SLC25A23: variants seen among roughly 807,000 people sequenced by gnomAD.
The protein encoded by SLC25A23 is solute carrier family 25 member 23, also known as mitochondrial adenyl nucleotide antiporter SLC25A23.
A neutral mutation model predicts 53.9 loss-of-function variants in SLC25A23; 32 were observed. The observed-to-expected ratio is 0.59, with a 90% CI of 0.45 to 0.80. The LOEUF is 0.80. SLC25A23 is among the 30% of genes least tolerant of loss of function. The pLI is 0.00. For synonymous variants in SLC25A23, 275 were observed against 264.5 expected, an observed-to-expected ratio of 1.04 and a Z score of -0.38; for missense variants, 575 against 651.4, an observed-to-expected ratio of 0.88 and a Z score of 1.28.
chr19:6,458,668 TA>T (rs532883120), intron 1 of SLC25A23, among the ~76,000 whole-genome samples: 416 of 152,318 alleles, frequency 2.7e-3, no homozygotes, highest in Non-Finnish European at 4.7e-3. Context: ...TAGTTTTTGT[TA>T]TTTTTTTAGG....
chr19:6,454,742 T>C lies in SLC25A23; in HGVS notation c.484-25A>G. 6.2e-7 allele frequency: 1 copy of C among 1,611,688 alleles called. No homozygotes were observed. The highest frequency in any genetic ancestry group is 8.5e-7 in the Non-Finnish European group (1 of 1,178,736). On this transcript the variant is annotated intron_variant, in intron 4 of 9. Transcript: ENST00000301454. This position sits in a 1 kb window ranked among gnomAD's most constrained non-coding sequence, Gnocchi z 4.3. ...CCTAAAGATACAGGTGTTGGGGGTGTCATGCCATGGTGGGGACAGGGAGAT... is the reference window on the plus strand; with the variant it reads ...CCTAAAGATACAGGTGTTGGGGGTGCCATGCCATGGTGGGGACAGGGAGAT...
chr19:6,454,717 C>T lies in SLC25A23; in HGVS notation c.484G>A (p.Val162Ile). ...GTCAGGCACTCGCCAATGTCCAGGACCTAAAGATACAGGTGTTGGGGGTGT... is the reference window on the plus strand; with the variant it reads ...GTCAGGCACTCGCCAATGTCCAGGATCTAAAGATACAGGTGTTGGGGGTGT... ...DVLYFWKHST[V>I]LDIGECLTVP... The change falls in exon 5 of 10, where the codon GTC becomes ATC. Residue 162 changes from valine to isoleucine, a missense_variant and splice_region_variant. Physicochemically the swap from Val to Ile is conservative, Grantham distance 29. Transcript: ENST00000301454. The surrounding 1 kb of genome is among the most constrained non-coding windows in gnomAD (Gnocchi z 4.3). 6.2e-7 allele frequency: 1 copy of T among 1,613,634 alleles called. No homozygotes were observed. Among genetic ancestry groups the T allele is most frequent in the Non-Finnish European group, 8.5e-7 (1 of 1,179,868 alleles).
At chr19:6,448,789 C>T (rs2092544176) in intron 8 of SLC25A23, among the ~76,000 whole-genome samples, 2 of 151,204 alleles carry the variant, frequency 1.3e-5, no homozygotes, top group African/African-American at 2.4e-5. Context: ...TTTGGGAGGC[C>T]GAGGTGGTCG....
rs566906566 is a variant in SLC25A23, at chr19:6,449,441, G to A, written c.1071+2871C>T. Among the ~76,000 whole-genome samples the A allele has an allele frequency of 8.0e-5, 12 of 150,094 alleles. No individual in the cohort carries two copies. In the East Asian group the frequency reaches 2.0e-3, roughly 25 times the overall value. On this transcript the variant is annotated intron_variant, in intron 8 of 9. Coordinates refer to ENST00000301454, the MANE Select transcript of SLC25A23 (RefSeq NM_024103.3). ...CTATTTTTTTTTTTTTTGAGACAGA[G>A]TCTTGCTCTGTCACCCAGGCTGGAG...
chr19:6,444,362 A>C, intron 8 of SLC25A23, 61 bp from the exon 9 acceptor site: 1 of 1,515,634 alleles, frequency 6.6e-7, no homozygotes, highest in Non-Finnish European at 8.9e-7. Flanking sequence ...CTGGCTTCAA[A>C]GGCCTGCTGG....
In SLC25A23 at chr19:6,454,280, T is replaced by C; in HGVS notation, c.795+43A>G. ...CCGTAAATCTTTATGTACAGCCCAG[T>C]CTTCCCTATGGCAAGCACATTCCTC... On this transcript the variant is annotated intron_variant, in intron 6 of 9. Transcript: ENST00000301454. This position sits in a 1 kb window ranked among gnomAD's most constrained non-coding sequence, Gnocchi z 4.3. 6.3e-7 allele frequency: 1 copy of C among 1,591,818 alleles called. No individual in the cohort carries two copies. The highest frequency in any genetic ancestry group is 8.6e-7 in the Non-Finnish European group (1 of 1,167,208).
chr19:6,453,938 C>G, intron 7 of SLC25A23, 43 bp downstream of exon 7: 1 of 1,527,426 alleles, frequency 6.5e-7, no homozygotes, highest in Admixed American at 1.8e-5. Context: ...CAGCAGGCCC[C>G]CCACCCTGCC....
rs545003549 is a variant in SLC25A23 at position 6,446,914 on chromosome 19, G to C, written c.1072-2613C>G. Among the ~76,000 whole-genome samples the C allele has an allele frequency of 4.6e-5, 7 of 151,758 alleles. No individual in the cohort carries two copies. In the South Asian group the frequency reaches 1.5e-3, roughly 31 times the overall value. On this transcript the variant is annotated intron_variant, in intron 8 of 9. Transcript: ENST00000301454. ...GGTGTCCGTAGAGGAGAAAGACAGA[G>C]ACACACACGGAGAAAGACAGCCAGG...
rs906779153 is a variant in SLC25A23 at position 6,454,241 on chromosome 19, C to T, written c.795+82G>A. On this transcript the variant is annotated intron_variant, in intron 6 of 9. Coordinates refer to ENST00000301454, the MANE Select transcript of SLC25A23 (RefSeq NM_024103.3). This position sits in a 1 kb window ranked among gnomAD's most constrained non-coding sequence, Gnocchi z 4.3. ...CCTGGGGACCTGTGTTCACCACCCA[C>T]CCCCAAGCCAATCCCGTAAATCTTT... 1.9e-6 allele frequency: 3 copies of T among 1,546,780 alleles called. No homozygotes were observed. Among genetic ancestry groups the T allele is most frequent in the African/African-American group, 1.4e-5 (1 of 73,406 alleles).
chr19:6,437,182 A>T (rs902818300), downstream of SLC25A23, among the ~76,000 whole-genome samples: 1 of 151,642 alleles, frequency 6.6e-6, no homozygotes, highest in East Asian at 1.9e-4. Flanking sequence ...TAATTGAAAA[A>T]TTTTTTGTAG....
In SLC25A23 at chr19:6,454,806, C is replaced by A; in HGVS notation, c.484-89G>T. On this transcript the variant is annotated intron_variant, in intron 4 of 9. Coordinates refer to ENST00000301454, the MANE Select transcript of SLC25A23 (RefSeq NM_024103.3). The surrounding 1 kb of genome is among the most constrained non-coding windows in gnomAD (Gnocchi z 4.3). Reference sequence around the variant, plus strand: ...AAATAGGGGAGTCTCCTCTATGAATCCTAGGATACCCTAGAGTCTGCCAAT... The same window carrying A: ...AAATAGGGGAGTCTCCTCTATGAATACTAGGATACCCTAGAGTCTGCCAAT... The A allele has an allele frequency of 6.9e-7, 1 of 1,446,644 alleles. No homozygotes were observed. 89.6% of individuals were successfully genotyped at this position (1,446,644 alleles called of 1,614,324 possible).
downstream of SLC25A23, among the ~76,000 whole-genome samples, chr19:6,439,896 C>T (rs1388689086): frequency 6.6e-6 from 1 of 151,986 alleles, no homozygotes; most frequent in Non-Finnish European, 1.5e-5. Context: ...AACAGGGACT[C>T]CCTCCCCTGC....
rs1220453862 is a variant in SLC25A23, at chr19:6,455,997, G to C, written c.483+423C>G. ...GCCTCCCAAAGTGCTGGGATTTTAG[G>C]TGTGAGCCACTGCGCCTGGCCAAGA... On this transcript the variant is annotated intron_variant, in intron 4 of 9. Transcript: ENST00000301454. 3.1e-6 allele frequency: 4 copies of C among 1,293,262 alleles called. No individual in the cohort carries two copies. In the South Asian group the frequency reaches 4.9e-5, roughly 16 times the overall value. The allele number at this position is 1,293,262 out of a possible 1,614,324, so 80.1% of individuals were successfully genotyped here. A position where few individuals can be genotyped will look rare whatever the true frequency, so the allele number is the denominator to read the frequency against.
At position 6,454,836 on chromosome 19, in the gene SLC25A23, C is replaced by G. The variant is rs2092654512; in HGVS notation, c.484-119G>C. 2 of 1,268,410 alleles carry G rather than the reference C, an allele frequency of 1.6e-6. No individual in the cohort carries two copies. Among genetic ancestry groups the G allele is most frequent in the African/African-American group, 3.0e-5 (2 of 66,734 alleles). 78.6% of individuals were successfully genotyped at this position (1,268,410 alleles called of 1,614,324 possible). ...GATACCCTAGAGTCTGCCAATGACT[C>G]TTGCTTGGAGACCCCAGAAGAGTCC... On this transcript the variant is annotated intron_variant, in intron 4 of 9. Coordinates refer to ENST00000301454, the MANE Select transcript of SLC25A23 (RefSeq NM_024103.3). This position sits in a 1 kb window ranked among gnomAD's most constrained non-coding sequence, Gnocchi z 4.3.
At chr19:6,438,690 A>G, downstream of SLC25A23, 1 of 218,282 alleles carries the variant, frequency 4.6e-6, no homozygotes, top group South Asian at 4.6e-5. Context: ...CTCTACTAAA[A>G]ATACAAAAAT....
chr19:6,446,446 C>T (rs550054837), intron 8 of SLC25A23, among the ~76,000 whole-genome samples: 1 of 152,326 alleles, frequency 6.6e-6, no homozygotes, highest in East Asian at 1.9e-4. Context: ...CATCCCTTCC[C>T]ACTCCAATTC....
intron 1 of SLC25A23, 38 bp from the exon 2 acceptor site, chr19:6,458,362 C>T (rs1281342780): frequency 1.2e-6 from 2 of 1,602,630 alleles, no homozygotes; most frequent in South Asian, 1.1e-5. Flanking sequence ...GCTCCAGGAA[C>T]CTGCTCCTGA....
downstream of SLC25A23, chr19:6,438,803 C>T (rs1207960743): frequency 1.8e-5 from 6 of 330,012 alleles, no homozygotes; most frequent in South Asian, 6.7e-5. Flanking sequence ...GATCTGAAAT[C>T]GAGCCACTGT....
intron 8 of SLC25A23, among the ~76,000 whole-genome samples, chr19:6,445,460 C>A (rs4439876): frequency 6.6e-6 from 1 of 152,022 alleles, no homozygotes; most frequent in African/African-American, 2.4e-5. Context: ...GAAGCAGAAG[C>A]GAGAGAGAGA....
Sources: gnomAD v4.1 joint callset for allele counts (sites outside exome capture counted in the v4.1 genomes callset) on GRCh38, gnomAD v4.1.1 for gene constraint, Gnocchi (gnomAD v3.1) non-coding constraint, MANE v1.5 for transcripts, NCBI Gene and HGNC (gene_info 2026-07-23, HGNC 2026-07-21) for gene names.